Variants in NAV3 observed in about 807,000 individuals in gnomAD.
NAV3 encodes the protein pore membrane and/or filament interacting like protein 1.
NAV3 carries 87 observed loss-of-function variants against 244.7 expected under a neutral mutation model. That is an observed-to-expected ratio of 0.36 (90% confidence interval 0.30 to 0.42). NAV3 has a LOEUF of 0.42. Ranked by LOEUF, NAV3 falls within the 20% of genes least tolerant of loss-of-function variation. The pLI, the probability that NAV3 is intolerant of heterozygous loss-of-function variation, is 1.00. For synonymous variants in NAV3, 1,126 were observed against 1,042.2 expected, an observed-to-expected ratio of 1.08 and a Z score of -1.55; for missense variants, 2,663 against 2,893.3, an observed-to-expected ratio of 0.92 and a Z score of 1.83.
At chr12:78,004,576 A>T (rs1873874205) in intron 7 of NAV3, among the ~76,000 whole-genome samples, 1 of 152,312 alleles carries the variant, frequency 6.6e-6, no homozygotes, top group South Asian at 2.1e-4. Flanking sequence ...CAGGCTACTT[A>T]TTCCTGAATA....
At chr12:77,874,880 G>C (rs1472480653) in intron 1 of NAV3, among the ~76,000 whole-genome samples, 2 of 151,942 alleles carry the variant, frequency 1.3e-5, no homozygotes, top group Non-Finnish European at 2.9e-5. Context: ...TTTTTTTATA[G>C]ATTTGTTACT....
At chr12:77,766,196 G>A (rs1209830223) in intron 2 of NAV3, among the ~76,000 whole-genome samples, 1 of 152,192 alleles carries the variant, frequency 6.6e-6, no homozygotes, top group African/African-American at 2.4e-5. Context: ...CTAGGGAAAA[G>A]AAGGAGCTGG....
intron 16 of NAV3, 141 bp downstream of exon 16, chr12:78,122,569 A>G: frequency 1.0e-6 from 1 of 973,622 alleles, no homozygotes; most frequent in Non-Finnish European, 1.5e-6. Context: ...CGGGCCTTTC[A>G]TTTGCTCTCA....
intron 1 of NAV3, among the ~76,000 whole-genome samples, chr12:77,881,508 G>A (rs1338016713): frequency 6.6e-6 from 1 of 152,052 alleles, no homozygotes; most frequent in African/African-American, 2.4e-5. Context: ...TATTCTTCTT[G>A]AAAACTGGAA....
At chr12:77,607,011 T>G (rs1371639340) in intron 2 of NAV3, among the ~76,000 whole-genome samples, 13 of 152,218 alleles carry the variant, frequency 8.5e-5, no homozygotes, top group Admixed American at 7.9e-4. Flanking sequence ...GAGGAAGCAA[T>G]GAAAAACATT....
At chr12:77,775,400 A>G (rs1445584895) in intron 2 of NAV3, among the ~76,000 whole-genome samples, 1 of 151,916 alleles carries the variant, frequency 6.6e-6, no homozygotes, top group African/African-American at 2.4e-5. Flanking sequence ...CTTGAAAAAA[A>G]AAAAAAGAAA....
In NAV3 at chr12:78,090,958, G is replaced by C. The variant is rs399853; in HGVS notation, c.2637-25814G>C. ...ACTTCTGTGCTGTGCTGTATTCTGT[G>C]TGTGTGTGTGTGTGTGTGTGTGTGT... On this transcript the variant is annotated intron_variant, in intron 12 of 39. Coordinates refer to ENST00000397909, the MANE Select transcript of NAV3 (RefSeq NM_001024383.2). Among the ~76,000 whole-genome samples, 242 of 41,056 alleles carry C rather than the reference G, an allele frequency of 5.9e-3. 2 individuals carry two copies. Among genetic ancestry groups the C allele is most frequent in the Admixed American group, 0.015 (75 of 5,020 alleles). 26.9% of individuals were successfully genotyped at this position (41,056 alleles called of 152,430 possible). A position where few individuals can be genotyped will look rare whatever the true frequency, so the allele number is the denominator to read the frequency against.
intron 2 of NAV3, among the ~76,000 whole-genome samples, chr12:77,775,550 C>T (rs1284574875): frequency 6.6e-6 from 1 of 152,128 alleles, no homozygotes; most frequent in African/African-American, 2.4e-5. Context: ...TTATCCTTTC[C>T]TCATTCATTT....
In NAV3 at chr12:77,797,619, G is replaced by A. The variant is rs530548472; in HGVS notation, c.73-142700G>A. Among the ~76,000 whole-genome samples the A allele has an allele frequency of 2.7e-5, 4 of 148,662 alleles. No individual in the cohort carries two copies. In the South Asian group the frequency reaches 8.5e-4, roughly 32 times the overall value. On this transcript the variant is annotated intron_variant, in intron 2 of 8. Coordinates refer to the NAV3 transcript ENST00000550042. ...GCACTTTGGGAGGCCGAGGTGGGCG[G>A]ATCACAAGGTCAGCAGTTTGAGACC... is the stretch of plus-strand genomic sequence containing the variant.
intron 2 of NAV3, among the ~76,000 whole-genome samples, chr12:77,603,873 ATGACGAAGTCCTCATACAAAAT>A (rs1250211841): frequency 3.4e-4 from 52 of 152,136 alleles, no homozygotes; most frequent in Admixed American, 3.2e-3. Context: ...GAGATATGTA[ATGACGAAGTCCTCATACAAAAT>A]TGACGAAGTC....
At chr12:77,680,116 G>GA (rs1309619596) in intron 2 of NAV3, among the ~76,000 whole-genome samples, 2 of 152,152 alleles carry the variant, frequency 1.3e-5, no homozygotes, top group Non-Finnish European at 2.9e-5. Context: ...AAGGCACAGG[G>GA]AAAGGGGGTA....
At chr12:77,669,518 G>A (rs1592563459) in intron 2 of NAV3, among the ~76,000 whole-genome samples, 1 of 152,088 alleles carries the variant, frequency 6.6e-6, no homozygotes, top group South Asian at 2.1e-4. Flanking sequence ...GGTATTCCAT[G>A]CAAATGGACA....
chr12:78,090,623 G>A (rs1278580924), intron 12 of NAV3, among the ~76,000 whole-genome samples: 2 of 151,914 alleles, frequency 1.3e-5, no homozygotes, highest in Non-Finnish European at 2.9e-5. Flanking sequence ...GTAACCCTGG[G>A]CACTTCCTTT....
chr12:78,176,321 A>G, intron 25 of NAV3, 118 bp from the exon 26 acceptor site: 4 of 988,154 alleles, frequency 4.0e-6, no homozygotes, highest in Non-Finnish European at 5.8e-6. Context: ...GCTTTCTACA[A>G]ATAATGAAAG....
intron 8 of NAV3, among the ~76,000 whole-genome samples, chr12:78,009,877 AG>A (rs1386526617): frequency 6.6e-6 from 1 of 152,212 alleles, no homozygotes; most frequent in Admixed American, 6.5e-5. Context: ...CATGAATATC[AG>A]TAATTATTTT....
chr12:77,629,593 T>G (rs952893525), intron 2 of NAV3, among the ~76,000 whole-genome samples: 1 of 152,218 alleles, frequency 6.6e-6, no homozygotes, highest in African/African-American at 2.4e-5. Flanking sequence ...CTTTTCACTC[T>G]AATTTTTCCC....
At chr12:77,589,593 A>C (rs143943087) in intron 2 of NAV3, among the ~76,000 whole-genome samples, 109 of 152,298 alleles carry the variant, frequency 7.2e-4, no homozygotes, top group African/African-American at 2.5e-3. Context: ...GTGAAGGGGG[A>C]ATTCCCTTAT....
intron 39 of NAV3, among the ~76,000 whole-genome samples, chr12:78,208,768 G>C (rs1393091957): frequency 6.6e-6 from 1 of 152,080 alleles, no homozygotes; most frequent in Non-Finnish European, 1.5e-5. Context: ...AGATACAACT[G>C]TATCTTTTTT....
intron 2 of NAV3, among the ~76,000 whole-genome samples, chr12:77,640,656 T>C (rs974932086): frequency 1.3e-5 from 2 of 152,292 alleles, no homozygotes; most frequent in South Asian, 2.1e-4. Flanking sequence ...TTAATAATAC[T>C]GTATACTGAA....
Sources: gnomAD v4.1 joint callset for allele counts (sites outside exome capture counted in the v4.1 genomes callset) on GRCh38, gnomAD v4.1.1 for gene constraint, MANE v1.5 for transcripts, NCBI Gene and HGNC (gene_info 2026-07-23, HGNC 2026-07-21) for gene names.